LRMDA: variants seen among roughly 807,000 people sequenced by gnomAD.
LRMDA encodes leucine-rich melanocyte differentiation-associated protein.
A neutral mutation model predicts 29.8 loss-of-function variants in LRMDA; 18 were observed. The ratio of observed to expected loss-of-function variants is 0.60; its 90% CI spans 0.42 to 0.90. The LOEUF is 0.90. Among genes scored for constraint, LRMDA ranks in the 40% least tolerant of loss-of-function variants. The probability of loss-of-function intolerance (pLI) is 0.00; values close to 1 mark genes in which losing one functional copy is unlikely to be tolerated. For missense variants in LRMDA, 273 were observed against 273.9 expected (o/e 1.00, Z 0.02); for synonymous variants, 125 against 109.4 (o/e 1.14, Z -0.89).
chr10:75,772,869 T>TGG (rs1554824987), intron 2 of LRMDA, among the ~76,000 whole-genome samples: 1,737 of 49,758 alleles, frequency 0.035, 29 homozygotes, highest in African/African-American at 0.07. Context: ...GGGGGTGGGA[T>TGG]GGGGGGGGGC....
At chr10:76,091,601 T>C (rs1418762852) in intron 5 of LRMDA, among the ~76,000 whole-genome samples, 2 of 152,044 alleles carry the variant, frequency 1.3e-5, no homozygotes, top group East Asian at 3.9e-4. Flanking sequence ...GGGTGCTCAG[T>C]CTTTCTCATC....
chr10:75,933,661 C>T (rs886446519), intron 2 of LRMDA, among the ~76,000 whole-genome samples: 4 of 152,042 alleles, frequency 2.6e-5, no homozygotes, highest in Non-Finnish European at 2.9e-5. Flanking sequence ...ACTACCACCT[C>T]GTAGAAATAG....
chr10:75,795,131 C>T (rs1843630783), intron 2 of LRMDA, among the ~76,000 whole-genome samples: 2 of 152,240 alleles, frequency 1.3e-5, no homozygotes, highest in South Asian at 2.1e-4. Context: ...CACAGTGGCT[C>T]ACACCTGTAA....
chr10:76,314,292 C>T (rs2132382777), intron 5 of LRMDA, among the ~76,000 whole-genome samples: 1 of 152,198 alleles, frequency 6.6e-6, no homozygotes, highest in African/African-American at 2.4e-5. Context: ...GGTTGGTCTC[C>T]AACTCCTGGG....
intron 2 of LRMDA, among the ~76,000 whole-genome samples, chr10:76,033,441 A>G (rs2132503889): frequency 1.3e-5 from 2 of 152,214 alleles, no homozygotes; most frequent in African/African-American, 4.8e-5. Flanking sequence ...TTTCTGCCCC[A>G]TAGCCCACCC....
At chr10:76,415,837 T>C (rs1842009029) in intron 6 of LRMDA, among the ~76,000 whole-genome samples, 1 of 152,200 alleles carries the variant, frequency 6.6e-6, no homozygotes, top group Non-Finnish European at 1.5e-5. Context: ...GACACAGGCT[T>C]TGTGAAGGCT....
intron 6 of LRMDA, among the ~76,000 whole-genome samples, chr10:76,419,791 T>C (rs1036464550): frequency 6.6e-6 from 1 of 152,100 alleles, no homozygotes; most frequent in African/African-American, 2.4e-5. Flanking sequence ...TGGTTATTAT[T>C]GAGTTTTAAG....
chr10:76,454,877 C>A (rs1842441966), intron 6 of LRMDA, among the ~76,000 whole-genome samples: 1 of 152,168 alleles, frequency 6.6e-6, no homozygotes, highest in Non-Finnish European at 1.5e-5. Flanking sequence ...ACATATGTTT[C>A]TCTTTGATGG....
chr10:76,332,979 AG>A (rs1367381118), intron 6 of LRMDA, among the ~76,000 whole-genome samples: 2 of 152,248 alleles, frequency 1.3e-5, no homozygotes, highest in South Asian at 4.1e-4. Context: ...AGTTGGTAAA[AG>A]CTGCAAATGC....
At chr10:76,473,080 TATG>T (rs1267068705) in intron 6 of LRMDA, among the ~76,000 whole-genome samples, 2 of 151,468 alleles carry the variant, frequency 1.3e-5, no homozygotes, top group African/African-American at 4.8e-5. Context: ...GAAAGAAAAA[TATG>T]ATATTTCGTG....
chr10:75,708,408 T>C (rs1842395396), intron 2 of LRMDA, among the ~76,000 whole-genome samples: 1 of 152,236 alleles, frequency 6.6e-6, no homozygotes, highest in Non-Finnish European at 1.5e-5. Flanking sequence ...TTCCTTTACA[T>C]TATTTCAACA....
chr10:76,020,792 T>A (rs1847962327), intron 2 of LRMDA, among the ~76,000 whole-genome samples: 1 of 152,216 alleles, frequency 6.6e-6, no homozygotes, highest in African/African-American at 2.4e-5. Context: ...GAATATAGAC[T>A]ATGGTGGACA....
chr10:76,426,953 A>G (rs1266279698), intron 6 of LRMDA, among the ~76,000 whole-genome samples: 2 of 152,018 alleles, frequency 1.3e-5, no homozygotes, highest in East Asian at 3.9e-4. Context: ...GTTCTGTTCC[A>G]TTGGTCTGTG....
intron 2 of LRMDA, among the ~76,000 whole-genome samples, chr10:75,601,570 G>A (rs758038860): frequency 3.6e-4 from 54 of 152,042 alleles, no homozygotes; most frequent in Non-Finnish European, 7.1e-4. Flanking sequence ...TGCAAATAAG[G>A]GAATTTTTAT....
chr10:75,811,436 G>A (rs1269700773), intron 2 of LRMDA, among the ~76,000 whole-genome samples: 1 of 152,116 alleles, frequency 6.6e-6, no homozygotes, highest in East Asian at 1.9e-4. Context: ...GCTAACAGCT[G>A]CCTCAGGTGC....
intron 2 of LRMDA, among the ~76,000 whole-genome samples, chr10:75,671,358 A>G (rs1353436061): frequency 6.6e-6 from 1 of 152,248 alleles, no homozygotes; most frequent in East Asian, 1.9e-4. Flanking sequence ...ATAACCCCAG[A>G]TATCTCCAGG....
chr10:76,126,400 C>A (rs1476556477), intron 5 of LRMDA, among the ~76,000 whole-genome samples: 3 of 152,122 alleles, frequency 2.0e-5, no homozygotes, highest in Non-Finnish European at 4.4e-5. Flanking sequence ...TTCATGAAAA[C>A]ATTGCTTTGT....
intron 2 of LRMDA, among the ~76,000 whole-genome samples, chr10:76,011,972 G>A (rs1002877575): frequency 1.3e-5 from 2 of 152,192 alleles, no homozygotes; most frequent in African/African-American, 4.8e-5. Context: ...CAGGATAGGA[G>A]GAGGAGGAGG....
intron 2 of LRMDA, among the ~76,000 whole-genome samples, chr10:75,975,826 C>A (rs1288652869): frequency 6.6e-6 from 1 of 152,130 alleles, no homozygotes; most frequent in African/African-American, 2.4e-5. Context: ...TTCTTTCTTT[C>A]TTTCCTTCAC....
Sources: allele counts gnomAD v4.1 joint callset (sites outside exome capture counted in the v4.1 genomes callset), GRCh38; gene constraint gnomAD v4.1.1; transcripts MANE v1.5; gene names NCBI Gene and HGNC (gene_info 2026-07-23, HGNC 2026-07-21).